TRIM5: variants seen among roughly 807,000 people sequenced by gnomAD.
The protein encoded by TRIM5 is tripartite motif-containing protein 5.
TRIM5 carries 31 observed loss-of-function variants against 35.6 expected under a neutral mutation model. The ratio of observed to expected loss-of-function variants is 0.87; its 90% CI spans 0.65 to 1.18. TRIM5 has a LOEUF of 1.18. TRIM5 is among the 50% of genes most tolerant of loss of function. The pLI is 0.00. For synonymous variants in TRIM5, 243 were observed against 215.6 expected (o/e 1.13, Z -1.11); for missense variants, 609 against 591.6 (o/e 1.03, Z -0.31).
chr11:5,602,602 T>A, the TRIM5 span, among the ~76,000 whole-genome samples: 1 of 151,822 alleles, frequency 6.6e-6, no homozygotes, highest in Non-Finnish European at 1.5e-5. Flanking sequence ...GCAAAAATCC[T>A]GAGGCAGCAG....
chr11:5,616,187 G>A, the TRIM5 span, among the ~76,000 whole-genome samples: 5 of 116,468 alleles, frequency 4.3e-5, 1 homozygote, highest in Admixed American at 4.3e-4. Context: ...TCCTGACTTC[G>A]TGATCCACCC....
chr11:5,658,666 T>C (rs992629355), downstream of TRIM5, among the ~76,000 whole-genome samples: 5 of 152,238 alleles, frequency 3.3e-5, no homozygotes, highest in African/African-American at 1.2e-4. Flanking sequence ...GTTTCTAATG[T>C]TGATCTATGG....
the TRIM5 span, chr11:5,610,145 G>A: frequency 3.0e-4 from 485 of 1,614,038 alleles, no homozygotes; most frequent in Non-Finnish European, 3.7e-4. Context: ...TCCTTTCTAG[G>A]AGTGAGTTCT....
At chr11:5,606,632 C>T in the TRIM5 span, among the ~76,000 whole-genome samples, 1 of 152,024 alleles carries the variant, frequency 6.6e-6, no homozygotes, top group African/African-American at 2.4e-5. Flanking sequence ...ATTCTTCTTG[C>T]CTTTTTGTCC....
At chr11:5,674,462 C>T (rs921369579) in intron 4 of TRIM5, among the ~76,000 whole-genome samples, 5 of 152,194 alleles carry the variant, frequency 3.3e-5, no homozygotes, top group Non-Finnish European at 5.9e-5. Flanking sequence ...GGCAGCATAG[C>T]GTGTGAGAGG....
rs746647761 is a variant in TRIM5, at chr11:5,679,210, T to G, written c.418-41A>C. 23 of 1,538,258 alleles carry G rather than the reference T, an allele frequency of 1.5e-5. 1 individual carries two copies. The Admixed American group carries it at 3.1e-4, about 21-fold the overall frequency. The stretch of plus-strand genomic sequence containing the variant: ...CACACCATAGTCAAGCTATGAGGTT[T>G]TCCAGCACCTAGATAGAGTATAAAC... On this transcript the variant is annotated intron_variant, in intron 2 of 7. Coordinates refer to ENST00000380034, the MANE Select transcript of TRIM5 (RefSeq NM_033034.3).
rs1851044711 is a variant in TRIM5, at chr11:5,665,289, T to C, written c.1002A>G (p.Thr334=). The part of the protein sequence containing the change: ...KPQIIYGARG[T]RYQTFVNFNY... ...TGAAATTCACAAATGTCTGGTATCT[T>C]GTCCCTCGTGCCCCATATATTATCT... is the stretch of plus-strand genomic sequence containing the variant. Residue 334 remains threonine, a synonymous_variant, in exon 8 of 8, where the codon ACA becomes ACG. Coordinates refer to ENST00000380034, the MANE Select transcript of TRIM5 (RefSeq NM_033034.3). The C allele has an allele frequency of 1.2e-6, 2 of 1,614,054 alleles. No homozygotes were observed. Among genetic ancestry groups the C allele is most frequent in the Non-Finnish European group, 1.7e-6 (2 of 1,180,046 alleles).
the TRIM5 span, among the ~76,000 whole-genome samples, chr11:5,625,400 C>T: frequency 2.0e-5 from 3 of 152,178 alleles, no homozygotes; most frequent in Admixed American, 2.0e-4. Flanking sequence ...TTCTCTCTCT[C>T]AAAGAGATGA....
At chr11:5,652,431 C>T in the TRIM5 span, among the ~76,000 whole-genome samples, 1 of 152,136 alleles carries the variant, frequency 6.6e-6, no homozygotes, top group Non-Finnish European at 1.5e-5. Context: ...GGTCCTTTTT[C>T]CATTTCTTGC....
the TRIM5 span, among the ~76,000 whole-genome samples, chr11:5,602,376 G>C: frequency 6.6e-6 from 1 of 151,908 alleles, no homozygotes; most frequent in Admixed American, 6.6e-5. Context: ...CCAGGAGGCG[G>C]AGCTTGCAGT....
the TRIM5 span, among the ~76,000 whole-genome samples, chr11:5,598,213 A>G: frequency 4.6e-5 from 7 of 152,200 alleles, no homozygotes; most frequent in African/African-American, 1.7e-4. Flanking sequence ...GCAGCCTCCC[A>G]TATCTCCCTT....
intron 4 of TRIM5, among the ~76,000 whole-genome samples, chr11:5,668,518 C>T (rs1362465408): frequency 3.3e-5 from 5 of 151,828 alleles, no homozygotes; most frequent in Non-Finnish European, 7.4e-5. Context: ...GGCGTGATCT[C>T]GGGTCACTGC....
the TRIM5 span, chr11:5,604,736 A>T: frequency 8.2e-7 from 1 of 1,214,904 alleles, no homozygotes; most frequent in Admixed American, 2.7e-5. Context: ...TGCCATGACT[A>T]GAAGAGCTTC....
In TRIM5 at chr11:5,684,119, G is replaced by A. The variant is rs1470716261; in HGVS notation, c.-62+749C>T. On this transcript the variant is annotated intron_variant, in intron 1 of 7. Coordinates refer to ENST00000380034, the MANE Select transcript of TRIM5 (RefSeq NM_033034.3). The stretch of plus-strand genomic sequence containing the variant: ...GCCTTTAAGAACTGTAACACTCACT[G>A]CAAGCGTCCGCGGCTTCATTCTTGA... 4.1e-5 allele frequency: 7 copies of A among 171,018 alleles called. No homozygotes were observed. In the East Asian group the frequency reaches 1.0e-3, roughly 25 times the overall value. The allele number at this position is 171,018 out of a possible 1,614,324, so 10.6% of individuals were successfully genotyped here.
At chr11:5,666,742 G>T (rs529090614) in intron 5 of TRIM5, among the ~76,000 whole-genome samples, 1 of 152,370 alleles carries the variant, frequency 6.6e-6, no homozygotes, top group Admixed American at 6.5e-5. Context: ...CACCACGTAG[G>T]TGTGCGAGGT....
At chr11:5,593,948 A>G in the TRIM5 span, among the ~76,000 whole-genome samples, 1 of 152,312 alleles carries the variant, frequency 6.6e-6, no homozygotes, top group East Asian at 1.9e-4. Context: ...ATTCCACTGT[A>G]TTGGGTATAC....
At chr11:5,613,468 C>A in the TRIM5 span, among the ~76,000 whole-genome samples, 1 of 152,180 alleles carries the variant, frequency 6.6e-6, no homozygotes, top group Non-Finnish European at 1.5e-5. Flanking sequence ...TTTGGGAGAT[C>A]ATATCTGTGG....
rs1281281001 is a variant in TRIM5 at position 5,666,092 on chromosome 11, A to T, written c.768-11T>A. ...GTCACGTTCTCCGTCCTAAGAATTA[A>T]AAAAAAAAAAAAAAACTTCCAAACC... On this transcript the variant is annotated splice_polypyrimidine_tract_variant and intron_variant, in intron 5 of 7. Coordinates refer to ENST00000380034, the MANE Select transcript of TRIM5 (RefSeq NM_033034.3). 1 of 1,272,022 alleles carries T rather than the reference A, an allele frequency of 7.9e-7. No homozygotes were observed. The highest frequency in any genetic ancestry group is 1.1e-6 in the Non-Finnish European group (1 of 934,212). The allele number at this position is 1,272,022 out of a possible 1,614,324, so 78.8% of individuals were successfully genotyped here. A position where few individuals can be genotyped will look rare whatever the true frequency, so the allele number is the denominator to read the frequency against.
the TRIM5 span, among the ~76,000 whole-genome samples, chr11:5,609,451 G>C: frequency 1.3e-5 from 2 of 152,260 alleles, no homozygotes; most frequent in East Asian, 3.9e-4. Flanking sequence ...TGTTCTGCCT[G>C]TCAACCCAGA....
Sources: gnomAD v4.1 joint callset for allele counts (sites outside exome capture counted in the v4.1 genomes callset) on GRCh38, gnomAD v4.1.1 for gene constraint, MANE v1.5 for transcripts, NCBI Gene and HGNC (gene_info 2026-07-23, HGNC 2026-07-21) for gene names.